The following APCDD1L variants were observed in gnomAD, a reference collection of about 807,000 sequenced individuals.
APCDD1L encodes the protein protein APCDD1-like.
A neutral mutation model predicts 24.2 loss-of-function variants in APCDD1L; 21 were observed. The observed-to-expected ratio is 0.87, with a 90% CI of 0.61 to 1.25. The LOEUF is 1.25. APCDD1L is among the 50% of genes most tolerant of loss of function. The pLI is 0.00. For synonymous variants in APCDD1L, 321 were observed against 323.6 expected, an observed-to-expected ratio of 0.99 and a Z score of 0.09; for missense variants, 704 against 711.7, an observed-to-expected ratio of 0.99 and a Z score of 0.12.
intron 2 of APCDD1L, among the ~76,000 whole-genome samples, chr20:58,469,381 A>G (rs1989771260): frequency 6.6e-6 from 1 of 152,208 alleles, no homozygotes; most frequent in Non-Finnish European, 1.5e-5. Context: ...CCAGGAGGAC[A>G]CAGCAGGTCA....
chr20:58,487,653 A>C (rs1990145684), intron 1 of APCDD1L, among the ~76,000 whole-genome samples: 1 of 152,234 alleles, frequency 6.6e-6, no homozygotes, highest in African/African-American at 2.4e-5. Flanking sequence ...ACTAAGTAAA[A>C]GGAAACTGGG....
Position 58,467,473 on chromosome 20 carries a change from G to A in APCDD1L, c.374C>T (p.Ala125Val). The change falls in exon 3 of 4, where the codon GCC becomes GTC. Residue 125 changes from alanine to valine, a missense_variant. Coordinates refer to ENST00000371149, the MANE Select transcript of APCDD1L (RefSeq NM_153360.3). This position sits in a 1 kb window ranked among gnomAD's most constrained non-coding sequence, Gnocchi z 5.9. The stretch of plus-strand genomic sequence containing the variant: ...GCCCACCTTGTGCAGGTGGTAGTCG[G>A]CCTCGGTGGCTCCCCGGGTGACCCA... The part of the protein sequence containing the change: ...ASWVTRGATE[A>V]DYHLHKVGIV... The A allele has an allele frequency of 6.3e-7, 1 of 1,597,598 alleles. No individual in the cohort carries two copies. The highest frequency in any genetic ancestry group is 8.5e-7 in the Non-Finnish European group (1 of 1,173,122).
At position 58,460,624 on chromosome 20, in the gene APCDD1L, T is replaced by A; in HGVS notation, c.*166A>T. On this transcript the variant is annotated 3_prime_UTR_variant, in exon 4 of 4. Transcript: ENST00000371149. This position sits in a 1 kb window ranked among gnomAD's most constrained non-coding sequence, Gnocchi z 4.2. ...GGTATAGGCTTTGCAGGGGTTAAGC[T>A]CATGTCCTGAGCCACATGGGACACA... 1 of 904,606 alleles carries A rather than the reference T, an allele frequency of 1.1e-6. No individual in the cohort carries two copies. Among genetic ancestry groups the A allele is most frequent in the Non-Finnish European group, 1.5e-6 (1 of 645,360 alleles). 56.0% of individuals were successfully genotyped at this position (904,606 alleles called of 1,614,324 possible).
intron 1 of APCDD1L, among the ~76,000 whole-genome samples, chr20:58,513,621 C>T (rs904418436): frequency 3.9e-5 from 6 of 152,294 alleles, no homozygotes; most frequent in African/African-American, 1.2e-4. Context: ...TCTGTGGGAC[C>T]GCGCAGCCCC....
intron 3 of APCDD1L, among the ~76,000 whole-genome samples, chr20:58,463,408 G>A (rs185967180): frequency 2.3e-4 from 35 of 152,238 alleles, no homozygotes; most frequent in East Asian, 1.9e-3. Context: ...TGGGTTTACC[G>A]TAAAACACGT....
chr20:58,494,792 T>TA lies in APCDD1L; in HGVS notation c.49+19866_49+19867insT, dbSNP rs1893518603. Among the ~76,000 whole-genome samples the TA allele has an allele frequency of 1.3e-5, 2 of 152,294 alleles. No individual in the cohort carries two copies. The highest frequency in any genetic ancestry group is 4.1e-4 in the South Asian group (2 of 4,828). On this transcript the variant is annotated intron_variant, in intron 1 of 3. Coordinates refer to ENST00000371149, the MANE Select transcript of APCDD1L (RefSeq NM_153360.3). This position sits in a 1 kb window ranked among gnomAD's most constrained non-coding sequence, Gnocchi z 4.8. ...CTGTGATTCCTGTCTCACGATCATC[T>TA]CCTGGCATTCTGCACCCACTGAGCG...
chr20:58,504,597 G>A (rs1443791049), intron 1 of APCDD1L, among the ~76,000 whole-genome samples: 1 of 152,154 alleles, frequency 6.6e-6, no homozygotes, highest in Non-Finnish European at 1.5e-5. Context: ...TGGACGTTAG[G>A]TATTGCTGAC....
At chr20:58,464,750 T>C (rs1989675720) in intron 3 of APCDD1L, among the ~76,000 whole-genome samples, 1 of 152,206 alleles carries the variant, frequency 6.6e-6, no homozygotes, top group Admixed American at 6.5e-5. Context: ...GTTTGGGTCG[T>C]GGGCAAGGCG....
rs992949284 is a variant in APCDD1L at position 58,508,292 on chromosome 20, A to G, written c.49+6367T>C. ...TGGTGGTGCTTCCAGCCCAGCAGCC[A>G]CTATCCTCCCTAAGAAGAAAGAGAG... is the stretch of plus-strand genomic sequence containing the variant. On this transcript the variant is annotated intron_variant, in intron 1 of 3. Transcript: ENST00000371149. The surrounding 1 kb of genome is among the most constrained non-coding windows in gnomAD (Gnocchi z 4.0). Among the ~76,000 whole-genome samples, 1 of 152,216 alleles carries G rather than the reference A, an allele frequency of 6.6e-6. No individual in the cohort carries two copies. Among genetic ancestry groups the G allele is most frequent in the East Asian group, 1.9e-4 (1 of 5,202 alleles).
chr20:58,466,027 C>T (rs1989697978), intron 3 of APCDD1L, among the ~76,000 whole-genome samples: 1 of 150,940 alleles, frequency 6.6e-6, no homozygotes, highest in Non-Finnish European at 1.5e-5. Flanking sequence ...CTGGGAAGGT[C>T]CTAGGTCCAC....
chr20:58,491,697 C>T (rs1043625594), intron 1 of APCDD1L, among the ~76,000 whole-genome samples: 3 of 152,130 alleles, frequency 2.0e-5, no homozygotes, highest in African/African-American at 7.2e-5. Flanking sequence ...AAAATCCCAA[C>T]AGGTTATCTT....
intron 1 of APCDD1L, among the ~76,000 whole-genome samples, chr20:58,498,122 T>A (rs1335981325): frequency 6.6e-6 from 1 of 152,214 alleles, no homozygotes; most frequent in Non-Finnish European, 1.5e-5. Flanking sequence ...ACTATGGCGT[T>A]CTTTGTCTCA....
chr20:58,481,332 A>G (rs1259821135), intron 1 of APCDD1L, among the ~76,000 whole-genome samples: 27 of 152,244 alleles, frequency 1.8e-4, no homozygotes, highest in Non-Finnish European at 2.9e-5. Context: ...AGGTTTTGAC[A>G]CATTCAATAA....
intron 1 of APCDD1L, among the ~76,000 whole-genome samples, chr20:58,495,735 A>G (rs1281840860): frequency 1.3e-5 from 2 of 152,144 alleles, no homozygotes; most frequent in Non-Finnish European, 2.9e-5. Flanking sequence ...TCGCACACAC[A>G]TGAAGGTGTG....
At chr20:58,484,213 T>C (rs1303309429) in intron 1 of APCDD1L, among the ~76,000 whole-genome samples, 1 of 152,288 alleles carries the variant, frequency 6.6e-6, no homozygotes, top group East Asian at 1.9e-4. Flanking sequence ...TTTTATGCCA[T>C]ACATAGGGCA....
intron 1 of APCDD1L, among the ~76,000 whole-genome samples, chr20:58,507,960 A>C (rs1990552463): frequency 6.6e-6 from 1 of 152,238 alleles, no homozygotes; most frequent in Admixed American, 6.5e-5. Context: ...CACTGGCATG[A>C]TTTTTAAGAA....
chr20:58,499,794 T>TC (rs1305985615), intron 1 of APCDD1L, among the ~76,000 whole-genome samples: 13 of 152,304 alleles, frequency 8.5e-5, no homozygotes, highest in African/African-American at 2.9e-4. Context: ...CTCTCCTCTC[T>TC]CCAGCTTCCC....
rs374466835 is a variant in APCDD1L, at chr20:58,483,228, G to A, written c.50-12481C>T. Among the ~76,000 whole-genome samples the A allele has an allele frequency of 8.5e-5, 13 of 152,124 alleles. No individual in the cohort carries two copies. The East Asian group carries it at 1.2e-3, about 14-fold the overall frequency. ...TTAGTCCATGTGTGATGGTGGCGCC[G>A]TGGGGAGGGTTGTCATGGGGAGAGC... On this transcript the variant is annotated intron_variant, in intron 1 of 3. Transcript: ENST00000371149.
Position 58,508,796 on chromosome 20 carries a change from T to C in APCDD1L, c.49+5863A>G, listed in dbSNP as rs1568755157. 6.6e-6 allele frequency among the ~76,000 whole-genome samples: 1 copy of C among 152,150 alleles called. No individual in the cohort carries two copies. Among genetic ancestry groups the C allele is most frequent in the Admixed American group, 6.5e-5 (1 of 15,284 alleles). The stretch of plus-strand genomic sequence containing the variant: ...CCTTCTTCTTGTGCAGCCTACTTTG[T>C]AGTGAGGAACAGACTGTAAACAGGG... On this transcript the variant is annotated intron_variant, in intron 1 of 3. Transcript: ENST00000371149. The surrounding 1 kb of genome is among the most constrained non-coding windows in gnomAD (Gnocchi z 4.0).
Sources: gnomAD v4.1 joint callset for allele counts (sites outside exome capture counted in the v4.1 genomes callset) on GRCh38, gnomAD v4.1.1 for gene constraint, Gnocchi (gnomAD v3.1) non-coding constraint, MANE v1.5 for transcripts, NCBI Gene and HGNC (gene_info 2026-07-23, HGNC 2026-07-21) for gene names.